The following KIAA2012 variants were observed in gnomAD, a reference collection of about 807,000 sequenced individuals.
KIAA2012 encodes the protein KIAA2012.
In KIAA2012, 125 loss-of-function variants were observed where a neutral mutation model predicts 150.6. The observed-to-expected ratio is 0.83, with a 90% CI of 0.72 to 0.96. The LOEUF (loss-of-function observed/expected upper bound fraction) is 0.96. KIAA2012 is among the 40% of genes least tolerant of loss of function. The pLI is 0.00. For missense variants in KIAA2012, 1,219 were observed against 1,354.9 expected (o/e 0.90, Z 1.57); for synonymous variants, 462 against 504.7 (o/e 0.92, Z 1.13).
intron 15 of KIAA2012, chr2:202,179,178 G>A: frequency 1.8e-6 from 1 of 560,406 alleles, no homozygotes; most frequent in East Asian, 4.4e-5. Context: ...AGCTCCCTTA[G>A]ACCAGCATCT....
Position 202,194,225 on chromosome 2 carries a change from G to C in KIAA2012, c.3050G>C (p.Arg1017Pro). 6.4e-7 allele frequency: 1 copy of C among 1,550,604 alleles called. No homozygotes were observed. Residue 1017 changes from arginine (R) to proline (P), a missense_variant, in exon 21 of 24, where the codon CGG (arginine) becomes CCG (proline). Transcript: ENST00000498697. ...RKQRLQEEQQ[R>P]QEEEERKQQL... ...CAGAGACTCCAAGAAGAACAGCAGCGGCAGGAGGAGGAGGAGAGAAAGCAG... is the reference window on the plus strand; with the variant it reads ...CAGAGACTCCAAGAAGAACAGCAGCCGCAGGAGGAGGAGGAGAGAAAGCAG...
chr2:202,097,673 T>A (rs1228226860), intron 5 of KIAA2012, 96 bp downstream of exon 5: 1 of 1,355,988 alleles, frequency 7.4e-7, no homozygotes, highest in African/African-American at 1.5e-5. Flanking sequence ...CACTGCAACC[T>A]CCGCCTCCTG....
Position 202,099,796 on chromosome 2 carries a change from G to A in KIAA2012, c.1012G>A (p.Asp338Asn), listed in dbSNP as rs1402247146. Residue 338 changes from aspartate to asparagine, a missense_variant and splice_region_variant, in exon 6 of 24, where the codon GAT (aspartate) becomes AAT (asparagine). Coordinates refer to ENST00000498697, the MANE Select transcript of KIAA2012 (RefSeq NM_001277372.4). ...CCCTAATAGGAAGGCAGATCTCAGCGGTAAGAACTCAAATGTCTTGCTCAT... is the reference window on the plus strand; with the variant it reads ...CCCTAATAGGAAGGCAGATCTCAGCAGTAAGAACTCAAATGTCTTGCTCAT... ...AFPNRKADLSDKQRNVKLHKA... is the reference protein window; with the variant it reads ...AFPNRKADLSNKQRNVKLHKA... 5.2e-6 allele frequency: 8 copies of A among 1,547,742 alleles called. No homozygotes were observed. Among genetic ancestry groups the A allele is most frequent in the African/African-American group, 4.1e-5 (3 of 72,868 alleles).
chr2:202,101,121 T>A (rs1290749758), intron 7 of KIAA2012, among the ~76,000 whole-genome samples: 3 of 152,214 alleles, frequency 2.0e-5, no homozygotes, highest in Admixed American at 6.5e-5. Context: ...TGTATCCAGA[T>A]AATAATGTCA....
chr2:202,097,882 G>C (rs1216518043), intron 5 of KIAA2012, among the ~76,000 whole-genome samples: 1 of 152,112 alleles, frequency 6.6e-6, no homozygotes, highest in African/African-American at 2.4e-5. Flanking sequence ...GAGCCACCGA[G>C]CCTAGCCAGA....
chr2:202,198,787 T>C (rs1692461569), intron 22 of KIAA2012, among the ~76,000 whole-genome samples: 1 of 152,136 alleles, frequency 6.6e-6, no homozygotes, highest in Admixed American at 6.5e-5. Context: ...CCCTTGATAT[T>C]TGTCCACAAC....
chr2:202,161,327 T>C (rs930600226), intron 14 of KIAA2012, among the ~76,000 whole-genome samples: 1 of 152,206 alleles, frequency 6.6e-6, no homozygotes, highest in Non-Finnish European at 1.5e-5. Context: ...CTGCTGCCAG[T>C]GCTCTAAATA....
At chr2:202,193,143 A>G (rs1341493840) in intron 19 of KIAA2012, among the ~76,000 whole-genome samples, 158 bp from the exon 20 acceptor site, 1 of 152,218 alleles carries the variant, frequency 6.6e-6, no homozygotes, top group East Asian at 1.9e-4. Flanking sequence ...CAAAAGTCCA[A>G]GCTGGTGGTG....
chr2:202,123,625 C>A (rs1000793437), intron 11 of KIAA2012, among the ~76,000 whole-genome samples: 5 of 151,936 alleles, frequency 3.3e-5, no homozygotes, highest in Non-Finnish European at 7.4e-5. Context: ...TCAGTAAAAC[C>A]CAAACATTCT....
rs201711207 is a variant in KIAA2012 at position 202,128,434 on chromosome 2, TGG to T, written c.1831+3156_1831+3157del. Among the ~76,000 whole-genome samples the T allele has an allele frequency of 1.3e-3, 142 of 105,760 alleles. 1 individual carries two copies. Among genetic ancestry groups the T allele is most frequent in the African/African-American group, 6.2e-3 (136 of 21,874 alleles). The allele number at this position is 105,760 out of a possible 152,430, so 69.4% of individuals were successfully genotyped here. On this transcript the variant is annotated intron_variant, in intron 12 of 23. Transcript: ENST00000498697. ...GTGCTTGCCATCATGCCTGTCTTTT[TGG>T]GGGTTTTTTTTTTTTGGTAGAGATG...
At chr2:202,147,856 G>C (rs149354293) in intron 13 of KIAA2012, among the ~76,000 whole-genome samples, 1 of 152,094 alleles carries the variant, frequency 6.6e-6, no homozygotes, top group African/African-American at 2.4e-5. Flanking sequence ...TTCACCCCTC[G>C]ACGTCCCATC....
intron 2 of KIAA2012, among the ~76,000 whole-genome samples, chr2:202,086,141 C>G (rs1689562165): frequency 1.6e-5 from 2 of 121,232 alleles, no homozygotes; most frequent in Admixed American, 2.2e-4. Context: ...GCACTCCAGC[C>G]TGGGTGAAAG....
chr2:202,102,485 A>G (rs1690072644), intron 7 of KIAA2012, among the ~76,000 whole-genome samples: 1 of 152,232 alleles, frequency 6.6e-6, no homozygotes. Flanking sequence ...AAGAAATTGT[A>G]GCTTGGCTTA....
At chr2:202,092,608 C>T (rs1689752089) in intron 3 of KIAA2012, among the ~76,000 whole-genome samples, 1 of 148,816 alleles carries the variant, frequency 6.7e-6, no homozygotes, top group Non-Finnish European at 1.5e-5. Flanking sequence ...GAGGGGTGGG[C>T]CCATTGGGAA....
At chr2:202,082,829 T>A (rs1689481104) in intron 2 of KIAA2012, among the ~76,000 whole-genome samples, 1 of 143,122 alleles carries the variant, frequency 7.0e-6, no homozygotes, top group Non-Finnish European at 1.5e-5. Flanking sequence ...GTAAATGGTG[T>A]ACGGTAAGAG....
Position 202,193,298 on chromosome 2 carries a change from T to C in KIAA2012, c.2812-3T>C, listed in dbSNP as rs1359775683. 6.5e-7 allele frequency: 1 copy of C among 1,548,950 alleles called. No individual in the cohort carries two copies. Among genetic ancestry groups the C allele is most frequent in the African/African-American group, 1.4e-5 (1 of 73,000 alleles). ...TTGCACTGAGAACACTCTGGTTTCTTAGGCCCTCCTCACTAAGAGGGAGCA... is the reference window on the plus strand; with the variant it reads ...TTGCACTGAGAACACTCTGGTTTCTCAGGCCCTCCTCACTAAGAGGGAGCA... On this transcript the variant is annotated splice_polypyrimidine_tract_variant and splice_region_variant and intron_variant, in intron 19 of 23. Coordinates refer to ENST00000498697, the MANE Select transcript of KIAA2012 (RefSeq NM_001277372.4).
rs1308331519 is a variant in KIAA2012 at position 202,156,133 on chromosome 2, G to A, written c.2046+1323G>A. Among the ~76,000 whole-genome samples, 6 of 152,170 alleles carry A rather than the reference G, an allele frequency of 3.9e-5. No homozygotes were observed. In the East Asian group the frequency reaches 7.7e-4, roughly 20 times the overall value. ...CGCTTGAGTCCAGCAGTTCAAGGAT[G>A]TAGTGTGGTATGATTACACCTGTGA... is the stretch of plus-strand genomic sequence containing the variant. On this transcript the variant is annotated intron_variant, in intron 14 of 23. Coordinates refer to ENST00000498697, the MANE Select transcript of KIAA2012 (RefSeq NM_001277372.4).
chr2:202,130,988 C>T (rs1460916716), intron 12 of KIAA2012, among the ~76,000 whole-genome samples: 3 of 152,022 alleles, frequency 2.0e-5, no homozygotes, highest in Non-Finnish European at 2.9e-5. Flanking sequence ...GGATGTTTCC[C>T]GCCTAGTTTC....
chr2:202,109,812 G>T (rs947424979), intron 10 of KIAA2012, 23 bp downstream of exon 10: 2 of 1,511,974 alleles, frequency 1.3e-6, no homozygotes, highest in African/African-American at 1.4e-5. Flanking sequence ...AGAGTGCATA[G>T]ACGCCCCCCA....
Sources: gnomAD v4.1 joint callset for allele counts (sites outside exome capture counted in the v4.1 genomes callset) on GRCh38, gnomAD v4.1.1 for gene constraint, MANE v1.5 for transcripts, NCBI Gene and HGNC (gene_info 2026-07-23, HGNC 2026-07-21) for gene names.